Variants in CSMD2 observed in about 807,000 individuals in gnomAD.
CSMD2 encodes CUB and Sushi multiple domains 2, also known as CUB and sushi domain-containing protein 2.
Under a neutral mutation model 398.5 loss-of-function variants are expected in CSMD2, and 130 were observed. The ratio of observed to expected loss-of-function variants is 0.33; its 90% CI spans 0.28 to 0.38. CSMD2 has a LOEUF of 0.38. Ranked by LOEUF, CSMD2 falls within the 10% of genes least tolerant of loss-of-function variation. CSMD2 has a pLI of 1.00. For synonymous variants in CSMD2, 1,828 were observed against 1,908.5 expected (o/e 0.96, Z 1.10); for missense variants, 3,829 against 4,764.9 (o/e 0.80, Z 5.78).
intron 42 of CSMD2, 125 bp from the exon 43 acceptor site, chr1:33,602,671 C>T (rs571529881): frequency 1.5e-5 from 13 of 841,348 alleles, no homozygotes; most frequent in South Asian, 1.3e-4. Flanking sequence ...GGGTGGGATG[C>T]GGAAGGGGAG....
At chr1:33,596,415 T>C (rs1639842155) in intron 44 of CSMD2, among the ~76,000 whole-genome samples, 1 of 152,170 alleles carries the variant, frequency 6.6e-6, no homozygotes. Context: ...TGGGCTACAA[T>C]GGTTCACACT....
Position 33,772,663 on chromosome 1 carries a change from C to T in CSMD2, c.1752G>A (p.Lys584=). 1 of 1,614,118 alleles carries T rather than the reference C, an allele frequency of 6.2e-7. No individual in the cohort carries two copies. Among genetic ancestry groups the T allele is most frequent in the Non-Finnish European group, 8.5e-7 (1 of 1,179,950 alleles). ...GSRFHHGDTL[K]FECQPAFELV... ...GCTCAAAGGCGGGCTGGCACTCAAACTTGAGTGTGTCACCGTGGTGAAACC... is the reference window on the plus strand; with the variant it reads ...GCTCAAAGGCGGGCTGGCACTCAAATTTGAGTGTGTCACCGTGGTGAAACC... Residue 584 remains lysine (K), a synonymous_variant, in exon 13 of 71, where the codon AAG becomes AAA. Transcript: ENST00000373381.
chr1:33,755,980 G>A (rs1569753045), intron 13 of CSMD2, among the ~76,000 whole-genome samples: 1 of 152,012 alleles, frequency 6.6e-6, no homozygotes, highest in African/African-American at 2.4e-5. Flanking sequence ...TCGGTGTTCT[G>A]AGACAAATTA....
At chr1:34,045,586 CTGTCT>C (rs1425725367) in intron 2 of CSMD2, among the ~76,000 whole-genome samples, 2 of 152,174 alleles carry the variant, frequency 1.3e-5, no homozygotes, top group Non-Finnish European at 2.9e-5. Context: ...GCTGGGATAC[CTGTCT>C]TAAGTATGAC....
At chr1:34,153,506 T>G (rs1640520470) in intron 1 of CSMD2, among the ~76,000 whole-genome samples, 1 of 152,270 alleles carries the variant, frequency 6.6e-6, no homozygotes, top group African/African-American at 2.4e-5. Context: ...AATGCTGCTC[T>G]GAGCCTGTGT....
At chr1:33,666,774 C>T (rs535971858) in intron 25 of CSMD2, among the ~76,000 whole-genome samples, 16 of 152,174 alleles carry the variant, frequency 1.1e-4, no homozygotes, top group African/African-American at 3.6e-4. Context: ...TGCCAGGCTG[C>T]CCCCTGCCTT....
chr1:34,078,377 C>T (rs1450381955), intron 2 of CSMD2, among the ~76,000 whole-genome samples: 2 of 152,030 alleles, frequency 1.3e-5, no homozygotes. Flanking sequence ...TTCTACCACA[C>T]CTGAAATTCC....
intron 5 of CSMD2, among the ~76,000 whole-genome samples, chr1:33,889,079 TG>T: frequency 6.6e-6 from 1 of 152,258 alleles, no homozygotes; most frequent in Middle Eastern, 3.4e-3. Context: ...CAAGATCAAC[TG>T]ATTTCAACAC....
intron 5 of CSMD2, among the ~76,000 whole-genome samples, chr1:33,896,345 T>C (rs1348903302): frequency 6.6e-6 from 1 of 152,164 alleles, no homozygotes; most frequent in Non-Finnish European, 1.5e-5. Flanking sequence ...TTCTGTGACA[T>C]GGGTCTTACA....
chr1:33,808,679 G>A (rs1656510392), intron 10 of CSMD2, among the ~76,000 whole-genome samples: 1 of 151,814 alleles, frequency 6.6e-6, no homozygotes, highest in African/African-American at 2.4e-5. Flanking sequence ...TAAGATGCTA[G>A]AAAAAGAACA....
At chr1:33,547,432 T>G (rs1657019378) in intron 56 of CSMD2, among the ~76,000 whole-genome samples, 1 of 152,208 alleles carries the variant, frequency 6.6e-6, no homozygotes, top group Admixed American at 6.5e-5. Flanking sequence ...GGAATCTATC[T>G]CCTCATGTAA....
Position 34,060,921 on chromosome 1 carries a change from G to C in CSMD2, c.404+28056C>G, listed in dbSNP as rs894128792. Among the ~76,000 whole-genome samples, 7 of 152,024 alleles carry C rather than the reference G, an allele frequency of 4.6e-5. No individual in the cohort carries two copies. In the East Asian group the frequency reaches 1.2e-3, roughly 25 times the overall value. ...CTGCCTGGTGGTTGAGATGCACAAA[G>C]GCCCCACCCACCTGTATCCCCTGGG... is the stretch of plus-strand genomic sequence containing the variant. On this transcript the variant is annotated intron_variant, in intron 2 of 70. Coordinates refer to ENST00000373381, the MANE Select transcript of CSMD2 (RefSeq NM_001281956.2).
At chr1:33,840,661 G>T (rs1160911548) in intron 6 of CSMD2, among the ~76,000 whole-genome samples, 1 of 152,162 alleles carries the variant, frequency 6.6e-6, no homozygotes, top group Non-Finnish European at 1.5e-5. Flanking sequence ...AGTGGGTTAC[G>T]CTTGAAACCT....
intron 4 of CSMD2, among the ~76,000 whole-genome samples, chr1:33,924,162 TCCAG>T (rs1644044168): frequency 6.6e-6 from 1 of 152,036 alleles, no homozygotes; most frequent in Non-Finnish European, 1.5e-5. Flanking sequence ...CATAATGACC[TCCAG>T]TTCCACCCAT....
At chr1:33,982,092 C>T (rs12088776) in intron 3 of CSMD2, among the ~76,000 whole-genome samples, 38,380 of 151,810 alleles carry the variant, frequency 0.25, 5,637 homozygotes, top group Non-Finnish European at 0.33. Flanking sequence ...TAGTGGGTGA[C>T]AGGACGGTGA....
chr1:33,693,108 C>G, intron 24 of CSMD2, 52 bp from the exon 25 acceptor site: 1 of 1,532,318 alleles, frequency 6.5e-7, no homozygotes, highest in African/African-American at 1.4e-5. Context: ...GAGCTGCCAG[C>G]AGTCACTCAG....
chr1:34,070,511 T>G (rs958994463), intron 2 of CSMD2, among the ~76,000 whole-genome samples: 1 of 152,126 alleles, frequency 6.6e-6, no homozygotes, highest in Admixed American at 6.5e-5. Flanking sequence ...CTCTGCAAAA[T>G]GGGATGAATA....
At chr1:33,888,662 A>G (rs1391442127) in intron 5 of CSMD2, among the ~76,000 whole-genome samples, 2 of 152,196 alleles carry the variant, frequency 1.3e-5, no homozygotes, top group African/African-American at 4.8e-5. Flanking sequence ...TAAATAGAGA[A>G]GACTATTTCT....
chr1:33,942,254 G>T (rs1033458662), intron 3 of CSMD2, among the ~76,000 whole-genome samples: 2 of 152,220 alleles, frequency 1.3e-5, no homozygotes, highest in African/African-American at 4.8e-5. Flanking sequence ...CCACATTTCT[G>T]CCTGCAATAG....
Sources: gnomAD v4.1 joint callset for allele counts (sites outside exome capture counted in the v4.1 genomes callset) on GRCh38, gnomAD v4.1.1 for gene constraint, MANE v1.5 for transcripts, NCBI Gene and HGNC (gene_info 2026-07-23, HGNC 2026-07-21) for gene names.